RBFOX1: variants seen among roughly 807,000 people sequenced by gnomAD.
The protein encoded by RBFOX1 is RNA binding fox-1 homolog 1.
Under a neutral mutation model 57.7 loss-of-function variants are expected in RBFOX1, and 8 were observed. The ratio of observed to expected loss-of-function variants is 0.14; its 90% CI spans 0.08 to 0.25. RBFOX1 has a LOEUF of 0.25. Ranked by LOEUF, RBFOX1 falls within the 10% of genes least tolerant of loss-of-function variation. RBFOX1 has a pLI of 1.00. For missense variants in RBFOX1, 611 were observed against 548.5 expected (o/e 1.11, Z -1.14); for synonymous variants, 326 against 222.4 (o/e 1.47, Z -4.15).
At chr16:7,250,776 C>G (rs35092435) in intron 4 of RBFOX1, among the ~76,000 whole-genome samples, 23,855 of 152,194 alleles carry the variant, frequency 0.16, 2,052 homozygotes, top group Middle Eastern at 0.29. Flanking sequence ...TGTCATTCTA[C>G]CAAAGAATCA....
chr16:6,404,853 T>C (rs1183360812), intron 2 of RBFOX1, among the ~76,000 whole-genome samples: 1 of 152,192 alleles, frequency 6.6e-6, no homozygotes, highest in Non-Finnish European at 1.5e-5. Context: ...TTAGAGCTCC[T>C]GGAATACTTA....
At chr16:5,630,195 G>A (rs1003252082) in intron 3 of RBFOX1, among the ~76,000 whole-genome samples, 3 of 152,218 alleles carry the variant, frequency 2.0e-5, no homozygotes, top group Non-Finnish European at 2.9e-5. Context: ...AGTGGCTCAT[G>A]CCTGTAATCC....
At chr16:7,140,896 G>T (rs922471) in intron 4 of RBFOX1, among the ~76,000 whole-genome samples, 185 of 152,128 alleles carry the variant, frequency 1.2e-3, no homozygotes, top group African/African-American at 4.3e-3. Context: ...ATTAGGCGTT[G>T]GCATCTTTCC....
In RBFOX1 at chr16:7,269,388, AAAT is replaced by A. The variant is rs1160987580; in HGVS notation, c.27+217294_27+217296del. ...CATCCATTAGCTGCTCATCACCCCC[AAAT>A]AATCACTTTTTAAAAACATTTTGAT... is the stretch of plus-strand genomic sequence containing the variant. On this transcript the variant is annotated intron_variant, in intron 4 of 15. Transcript: ENST00000550418. Among the ~76,000 whole-genome samples, 16 of 152,240 alleles carry A rather than the reference AAAT, an allele frequency of 1.1e-4. No individual in the cohort carries two copies. In the East Asian group the frequency reaches 2.5e-3, roughly 24 times the overall value.
chr16:7,568,739 T>C (rs1213981840), intron 5 of RBFOX1, among the ~76,000 whole-genome samples: 1 of 151,664 alleles, frequency 6.6e-6, no homozygotes, highest in South Asian at 2.1e-4. Context: ...CAAAAAAAAT[T>C]AGCCGGGCAT....
chr16:6,834,927 C>CT (rs1207382087), intron 3 of RBFOX1, among the ~76,000 whole-genome samples: 1 of 137,940 alleles, frequency 7.2e-6, no homozygotes, highest in Non-Finnish European at 1.5e-5. Context: ...GTGTCTCGCT[C>CT]TGTTGCCCAG....
chr16:6,961,275 C>G (rs890890687), intron 3 of RBFOX1, among the ~76,000 whole-genome samples: 2 of 152,162 alleles, frequency 1.3e-5, no homozygotes, highest in South Asian at 4.1e-4. Flanking sequence ...GAGACCCCAC[C>G]AGAGGAGAGG....
At chr16:6,057,603 C>G (rs1177997942) in intron 1 of RBFOX1, among the ~76,000 whole-genome samples, 1 of 152,038 alleles carries the variant, frequency 6.6e-6, no homozygotes, top group African/African-American at 2.4e-5. Flanking sequence ...AGACACTGAG[C>G]CAAGAATGCC....
At chr16:7,686,122 G>A (rs192717544) in intron 14 of RBFOX1, among the ~76,000 whole-genome samples, 1 of 151,890 alleles carries the variant, frequency 6.6e-6, no homozygotes, top group East Asian at 1.9e-4. Context: ...CTGACACTTA[G>A]TTCTCAGGAT....
At chr16:6,251,397 ACAGT>A (rs1567776694) in intron 1 of RBFOX1, among the ~76,000 whole-genome samples, 1 of 152,002 alleles carries the variant, frequency 6.6e-6, no homozygotes, top group Non-Finnish European at 1.5e-5. Context: ...CCAAAGTCAC[ACAGT>A]CAGTGTGTGG....
chr16:6,421,957 G>A (rs1182929323), intron 2 of RBFOX1, among the ~76,000 whole-genome samples: 3 of 43,118 alleles, frequency 7.0e-5, no homozygotes, highest in African/African-American at 1.7e-4. Context: ...GTCTCACTCC[G>A]TTGCCCACCC....
intron 3 of RBFOX1, among the ~76,000 whole-genome samples, chr16:6,904,124 A>G (rs563462135): frequency 6.6e-6 from 1 of 152,288 alleles, no homozygotes; most frequent in South Asian, 2.1e-4. Flanking sequence ...CTAATAGTGC[A>G]GTTCGTTCTC....
chr16:6,917,619 C>G (rs1038936689), intron 3 of RBFOX1, among the ~76,000 whole-genome samples: 1 of 152,206 alleles, frequency 6.6e-6, no homozygotes, highest in African/African-American at 2.4e-5. Flanking sequence ...TTCCTGCCTT[C>G]TACACCGAAG....
rs569246056 is a variant in RBFOX1 at position 5,240,259 on chromosome 16, G to A, written c.219+154G>A. ...CGGGCGCGGAGTGACAGCTCGTGAC[G>A]GCCTCCGAGACGCCAGCTGCCCCTT... On this transcript the variant is annotated intron_variant, in intron 1 of 2. Transcript: ENST00000585867. Among the ~76,000 whole-genome samples, 23 of 152,082 alleles carry A rather than the reference G, an allele frequency of 1.5e-4. No homozygotes were observed. The East Asian group carries it at 4.5e-3, about 30-fold the overall frequency.
rs1255430430 is a variant in RBFOX1 at position 7,034,841 on chromosome 16, C to CTTTTT, written c.-15-17214_-15-17210dup. 3.8e-3 allele frequency among the ~76,000 whole-genome samples: 149 copies of CTTTTT among 39,032 alleles called. 1 individual carries two copies. The highest frequency in any genetic ancestry group is 0.01 in the East Asian group (9 of 868). The allele number at this position is 39,032 out of a possible 152,430, so 25.6% of individuals were successfully genotyped here. A position where few individuals can be genotyped will look rare whatever the true frequency, so the allele number is the denominator to read the frequency against. On this transcript the variant is annotated intron_variant, in intron 3 of 15. Coordinates refer to ENST00000550418, the MANE Select transcript of RBFOX1 (RefSeq NM_018723.4). ...ATATTGCATTACTTTTTTTTTTTTT[C>CTTTTT]TTTTTTCTTTTTTTTTTTTTTTTTT...
chr16:6,904,728 C>T (rs1421867265), intron 3 of RBFOX1, among the ~76,000 whole-genome samples: 1 of 151,500 alleles, frequency 6.6e-6, no homozygotes, highest in African/African-American at 2.4e-5. Flanking sequence ...TCTCTACTCA[C>T]AGGGACCCTC....
At chr16:6,352,350 C>T (rs1305002654) in intron 2 of RBFOX1, among the ~76,000 whole-genome samples, 2 of 152,050 alleles carry the variant, frequency 1.3e-5, no homozygotes, top group Non-Finnish European at 2.9e-5. Flanking sequence ...ATAAACTATC[C>T]GTATTTGTTG....
intron 2 of RBFOX1, among the ~76,000 whole-genome samples, chr16:6,574,424 ATTT>A (rs34505014): frequency 1.9e-3 from 170 of 89,910 alleles, no homozygotes; most frequent in African/African-American, 6.1e-3. Context: ...CGTATCTTCT[ATTT>A]TTTTTTTTTT....
rs535280692 is a variant in RBFOX1, at chr16:6,221,519, G to A, written c.-126-95476G>A. Among the ~76,000 whole-genome samples the A allele has an allele frequency of 6.6e-5, 10 of 152,286 alleles. 1 individual carries two copies. Among genetic ancestry groups the A allele is most frequent in the African/African-American group, 1.7e-4 (7 of 41,546 alleles). On this transcript the variant is annotated intron_variant, in intron 1 of 15. Coordinates refer to ENST00000550418, the MANE Select transcript of RBFOX1 (RefSeq NM_018723.4). ...TATTGTATAATTTCAATATGAGTCA[G>A]TATTCCAATGTGTCATCCAAACATT... is the stretch of plus-strand genomic sequence containing the variant.
Sources: allele counts gnomAD v4.1 joint callset (sites outside exome capture counted in the v4.1 genomes callset), GRCh38; gene constraint gnomAD v4.1.1; transcripts MANE v1.5; gene names NCBI Gene and HGNC (gene_info 2026-07-23, HGNC 2026-07-21).